ARAP3: variants seen among roughly 807,000 people sequenced by gnomAD.
ARAP3 encodes the protein ArfGAP with RhoGAP domain, ankyrin repeat and PH domain 3.
In ARAP3, 82 loss-of-function variants were observed where a neutral mutation model predicts 169.2. The ratio of observed to expected loss-of-function variants is 0.48; its 90% confidence interval spans 0.41 to 0.58. The LOEUF is 0.58. Among genes scored for constraint, ARAP3 ranks in the 20% least tolerant of loss-of-function variants. The pLI, the probability that ARAP3 is intolerant of heterozygous loss-of-function variation, is 0.00. For missense variants in ARAP3, 1,764 were observed against 2,018.0 expected, an observed-to-expected ratio of 0.87 and a Z score of 2.41; for synonymous variants, 791 against 800.3, an observed-to-expected ratio of 0.99 and a Z score of 0.20.
intron 4 of ARAP3, among the ~76,000 whole-genome samples, chr5:141,678,986 A>G (rs879316045): frequency 1.4e-4 from 22 of 152,238 alleles, no homozygotes; most frequent in Non-Finnish European, 2.5e-4. Context: ...GTTGAATGAA[A>G]AAATGAAAAG....
In ARAP3 at chr5:141,673,691, G is replaced by A. The variant is rs2154599138; in HGVS notation, c.816C>T (p.Leu272=). 1 of 1,614,224 alleles carries A rather than the reference G, an allele frequency of 6.2e-7. No individual in the cohort carries two copies. Among genetic ancestry groups the A allele is most frequent in the East Asian group, 2.2e-5 (1 of 44,876 alleles). ...AGGAGAAGCTGGCATAGGGTGAAAT[G>A]AGGTCATCACTGGTCTCCTCTGTTT... ...TLETEETSDD[L]ISPYASFSFT... is the part of the protein sequence containing the mutation. Residue 272 remains leucine (L), a synonymous_variant, in exon 5 of 33, where the codon CTC becomes CTT. Coordinates refer to ENST00000239440, the MANE Select transcript of ARAP3 (RefSeq NM_022481.6).
At chr5:141,657,186 C>T (rs1244612872) in intron 25 of ARAP3, among the ~76,000 whole-genome samples, 1 of 152,188 alleles carries the variant, frequency 6.6e-6, no homozygotes, top group Admixed American at 6.5e-5. Context: ...GAAGATGAGA[C>T]TCAGAGATCT....
chr5:141,672,889 C>A lies in ARAP3; in HGVS notation c.1130G>T (p.Cys377Phe). 6.2e-7 allele frequency: 1 copy of A among 1,608,292 alleles called. No homozygotes were observed. Residue 377 changes from cysteine to phenylalanine, a missense_variant, in exon 8 of 33, where the codon TGT becomes TTT. Coordinates refer to ENST00000239440, the MANE Select transcript of ARAP3 (RefSeq NM_022481.6). The surrounding 1 kb of genome is among the most constrained non-coding windows in gnomAD (Gnocchi z 4.9). ...RDMWCSTLQS[C>F]LKEQRLLGHP... The stretch of plus-strand genomic sequence containing the variant: ...GCCCAGGAGGCGCTGCTCCTTCAGA[C>A]AGGACTGCAGCGTGGAGCACCACAT...
chr5:141,672,913 A>T lies in ARAP3; in HGVS notation c.1106T>A (p.Met369Lys), dbSNP rs774581128. ...ACAGGACTGCAGCGTGGAGCACCAC[A>T]TGTCCCGCTGAGCTGGTGGGGATGG... The part of the protein sequence containing the change: ...FRTESEAQRD[M>K]WCSTLQSCLK... The change falls in exon 8 of 33, where the codon ATG becomes AAG. Residue 369 changes from methionine (M) to lysine (K), a missense_variant. This residue lies in a region of ARAP3 where 630 missense variants were observed against 678.7 expected (regional missense o/e 0.93). Coordinates refer to ENST00000239440, the MANE Select transcript of ARAP3 (RefSeq NM_022481.6). This position sits in a 1 kb window ranked among gnomAD's most constrained non-coding sequence, Gnocchi z 4.9. The T allele has an allele frequency of 8.1e-6, 13 of 1,611,002 alleles. No individual in the cohort carries two copies. In the South Asian group the frequency reaches 1.4e-4, roughly 18 times the overall value.
In ARAP3 at chr5:141,671,535, C is replaced by G; in HGVS notation, c.1854+35G>C. ...ACTCCAGAGAGTGTTTCCTGACCCC[C>G]CCACCCCAGATCACCCCTGCTCTGT... is the stretch of plus-strand genomic sequence containing the variant. On this transcript the variant is annotated intron_variant, in intron 12 of 32. Transcript: ENST00000239440. This position sits in a 1 kb window ranked among gnomAD's most constrained non-coding sequence, Gnocchi z 4.9. 1 of 1,612,288 alleles carries G rather than the reference C, an allele frequency of 6.2e-7. No individual in the cohort carries two copies. The highest frequency in any genetic ancestry group is 8.5e-7 in the Non-Finnish European group (1 of 1,179,452).
Position 141,664,938 on chromosome 5 carries a change from A to G in ARAP3, c.2784T>C (p.Ser928=), listed in dbSNP as rs759313646. 1.9e-6 allele frequency: 3 copies of G among 1,568,458 alleles called. No individual in the cohort carries two copies. Among genetic ancestry groups the G allele is most frequent in the Non-Finnish European group, 2.6e-6 (3 of 1,153,298 alleles). ...CCTACTCACCATGCTGGGTAACAAA[A>G]CTGATGCAGGCATCCACGATGATGG... is the stretch of plus-strand genomic sequence containing the variant. The part of the protein sequence containing the change: ...DIPIIVDACI[S]FVTQHGLRLE... The change falls in exon 19 of 33, where the codon AGT becomes AGC. Residue 928 remains serine (S), a synonymous_variant. Transcript: ENST00000239440.
At chr5:141,661,357 G>A (rs116797409) in intron 21 of ARAP3, among the ~76,000 whole-genome samples, 1,637 of 152,166 alleles carry the variant, frequency 0.011, 31 homozygotes, top group African/African-American at 0.038. Context: ...GACACCACGC[G>A]CCCAGCCTTC....
chr5:141,665,353 G>A lies in ARAP3; in HGVS notation c.2594C>T (p.Thr865Ile). ...GACCAAATGCTCTTTCTTATCTGGG[G>A]TGTCAGCTGCAGAAACCACACCTGG... ...QEISVVSAAD[T>I]PDKKEHLVLV... The change falls in exon 18 of 33, where the codon ACC becomes ATC. Residue 865 changes from threonine to isoleucine, a missense_variant. Thr to Ile is a moderately conservative substitution (Grantham distance 89). Coordinates refer to ENST00000239440, the MANE Select transcript of ARAP3 (RefSeq NM_022481.6). 6.2e-7 allele frequency: 1 copy of A among 1,614,208 alleles called. No homozygotes were observed. Among genetic ancestry groups the A allele is most frequent in the South Asian group, 1.1e-5 (1 of 91,082 alleles).
At chr5:141,660,067 G>A in intron 21 of ARAP3, 141 bp from the exon 22 acceptor site, 2 of 1,158,532 alleles carry the variant, frequency 1.7e-6, no homozygotes, top group Non-Finnish European at 2.3e-6. Context: ...CAGTCTAGGG[G>A]AGACAGATAA....
chr5:141,654,013 T>C lies in ARAP3; in HGVS notation c.4572A>G (p.Thr1524=). The C allele has an allele frequency of 1.3e-6, 2 of 1,565,736 alleles. No individual in the cohort carries two copies. Among genetic ancestry groups the C allele is most frequent in the East Asian group, 2.2e-5 (1 of 44,568 alleles). ...SPSPTGLPTQ[T]PGFPTQPPCT... Reference sequence around the variant, plus strand: ...ATGGGGGTTGGGTGGGGAAGCCAGGTGTCTGTGTTGGAAGGCCAGTGGGGC... The same window carrying C: ...ATGGGGGTTGGGTGGGGAAGCCAGGCGTCTGTGTTGGAAGGCCAGTGGGGC... The change falls in exon 33 of 33, where the codon ACA becomes ACG. Residue 1524 remains threonine, a synonymous_variant. Coordinates refer to ENST00000239440, the MANE Select transcript of ARAP3 (RefSeq NM_022481.6).
In ARAP3 at chr5:141,654,052, G is replaced by T. The variant is rs1405273702; in HGVS notation, c.4533C>A (p.Ser1511Arg). The part of the protein sequence containing the change: ...AGLGSPSQPS[S>R]PQSPSPTGLP... Reference sequence around the variant, plus strand: ...GGCCAGTGGGGCTGGGGGATTGGGGGCTGGATGGCTGGGAAGGACTTCCCA... The same window carrying T: ...GGCCAGTGGGGCTGGGGGATTGGGGTCTGGATGGCTGGGAAGGACTTCCCA... Residue 1511 changes from serine (S) to arginine (R), a missense_variant, in exon 33 of 33, where the codon AGC (serine) becomes AGA (arginine). Ser to Arg is a moderately radical substitution (Grantham distance 110). Coordinates refer to ENST00000239440, the MANE Select transcript of ARAP3 (RefSeq NM_022481.6). 6.2e-7 allele frequency: 1 copy of T among 1,602,022 alleles called. No homozygotes were observed. Among genetic ancestry groups the T allele is most frequent in the South Asian group, 1.1e-5 (1 of 89,250 alleles).
In ARAP3 at chr5:141,670,592, C is replaced by T. The variant is rs374649374; in HGVS notation, c.2027G>A (p.Arg676His). 70 of 1,613,980 alleles carry T rather than the reference C, an allele frequency of 4.3e-5. No individual in the cohort carries two copies. The highest frequency in any genetic ancestry group is 1.2e-4 in the African/African-American group (9 of 74,904). ...GTACAGGAAGCCGCTGTAAGTAGCA[C>T]GCACCACCACCTCATTGTACACACC... is the stretch of plus-strand genomic sequence containing the variant. ...SPGVYNEVVV[R>H]ATYSGFLYCS... Residue 676 changes from arginine to histidine, a missense_variant, in exon 14 of 33, where the codon CGT (arginine) becomes CAT (histidine). By Grantham distance (29) the Arg-to-His change is conservative (BLOSUM62 0). Transcript: ENST00000239440.
Position 141,671,261 on chromosome 5 carries a change from T to C in ARAP3, c.1990+4A>G, listed in dbSNP as rs775890420. On this transcript the variant is annotated splice_donor_region_variant and intron_variant, in intron 13 of 32. Transcript: ENST00000239440. This position sits in a 1 kb window ranked among gnomAD's most constrained non-coding sequence, Gnocchi z 4.9. ...GGGAGAGAGGAGGCACTTGGGGGAATGACCTGAGGGCAAGAGGCCAGGGCA... is the reference window on the plus strand; with the variant it reads ...GGGAGAGAGGAGGCACTTGGGGGAACGACCTGAGGGCAAGAGGCCAGGGCA... 1 of 1,593,536 alleles carries C rather than the reference T, an allele frequency of 6.3e-7. No homozygotes were observed. Among genetic ancestry groups the C allele is most frequent in the East Asian group, 2.2e-5 (1 of 44,650 alleles).
Position 141,654,200 on chromosome 5 carries a change from G to A in ARAP3, c.4385C>T (p.Pro1462Leu). 1 of 1,614,106 alleles carries A rather than the reference G, an allele frequency of 6.2e-7. No homozygotes were observed. Among genetic ancestry groups the A allele is most frequent in the Non-Finnish European group, 8.5e-7 (1 of 1,179,992 alleles). ...KSSTLGQEER[P>L]PEPPPGPPSK... The stretch of plus-strand genomic sequence containing the variant: ...AGGGGGGCCTGGAGGGGGCTCAGGT[G>A]GCCTCTCCTCCTGGCCAAGGGTGCT... The change falls in exon 33 of 33, where the codon CCA becomes CTA. Residue 1462 changes from proline (P) to leucine (L), a missense_variant. Around this residue, in one of 3 missense-constraint regions of ARAP3, gnomAD observed 1,112 missense variants for 1,285.7 expected, o/e 0.86. Coordinates refer to ENST00000239440, the MANE Select transcript of ARAP3 (RefSeq NM_022481.6).
Position 141,666,051 on chromosome 5 carries a change from A to AT in ARAP3, c.2572+372_2572+373insA, listed in dbSNP as rs1414450357. Among the ~76,000 whole-genome samples the AT allele has an allele frequency of 6.7e-3, 985 of 146,356 alleles. 19 individuals are homozygous for AT. Among genetic ancestry groups the AT allele is most frequent in the Non-Finnish European group, 9.6e-3 (636 of 66,552 alleles). ...GTGACTCTGTCTCCAAAAAAAAAAAAAAATAATAATAATAATAATAATAAC... is the reference window on the plus strand; with the variant it reads ...GTGACTCTGTCTCCAAAAAAAAAAAATAAATAATAATAATAATAATAATAAC... On this transcript the variant is annotated intron_variant, in intron 17 of 32. Coordinates refer to ENST00000239440, the MANE Select transcript of ARAP3 (RefSeq NM_022481.6).
chr5:141,670,820 G>A (rs2099911326), intron 13 of ARAP3, among the ~76,000 whole-genome samples, 192 bp from the exon 14 acceptor site: 1 of 152,178 alleles, frequency 6.6e-6, no homozygotes, highest in South Asian at 2.1e-4. Flanking sequence ...TAATGAGACA[G>A]GGAGGCCTCT....
intron 6 of ARAP3, 63 bp downstream of exon 6, chr5:141,673,338 C>A: frequency 1.9e-6 from 3 of 1,603,534 alleles, no homozygotes; most frequent in Non-Finnish European, 2.6e-6. Context: ...CCTTCCAATT[C>A]TGAGCCCCTC....
chr5:141,654,188 G>C lies in ARAP3; in HGVS notation c.4397C>G (p.Pro1466Arg). 6.2e-7 allele frequency: 1 copy of C among 1,614,044 alleles called. No individual in the cohort carries two copies. Residue 1466 changes from proline (P) to arginine (R), a missense_variant, in exon 33 of 33, where the codon CCT becomes CGT. Pro to Arg is a moderately radical substitution (Grantham distance 103). This residue lies in a region of ARAP3 where 1,112 missense variants were observed against 1,285.7 expected (regional missense o/e 0.86). Coordinates refer to ENST00000239440, the MANE Select transcript of ARAP3 (RefSeq NM_022481.6). ...LGQEERPPEP[P>R]PGPPSKSSPQ... ...ACTGCTCTTTGAAGGGGGGCCTGGA[G>C]GGGGCTCAGGTGGCCTCTCCTCCTG...
Position 141,679,604 on chromosome 5 carries a change from A to G in ARAP3, c.639T>C (p.Thr213=). ...CLYYGVQPVG[T]PGAPDRRESR... Reference sequence around the variant, plus strand: ...TCTCTCTTCTGTCGGGGGCTCCTGGAGTCCCCACAGGTTGGACACCATAGT... The same window carrying G: ...TCTCTCTTCTGTCGGGGGCTCCTGGGGTCCCCACAGGTTGGACACCATAGT... The change falls in exon 4 of 33, where the codon ACT becomes ACC. Residue 213 remains threonine (T), a synonymous_variant. Coordinates refer to ENST00000239440, the MANE Select transcript of ARAP3 (RefSeq NM_022481.6). The G allele has an allele frequency of 6.2e-7, 1 of 1,614,142 alleles. No individual in the cohort carries two copies. The highest frequency in any genetic ancestry group is 8.5e-7 in the Non-Finnish European group (1 of 1,180,028).
Sources: gnomAD v4.1 joint callset for allele counts (sites outside exome capture counted in the v4.1 genomes callset) on GRCh38, gnomAD v4.1.1 for gene constraint, gnomAD v4.1.1 regional missense constraint, Gnocchi (gnomAD v3.1) non-coding constraint, MANE v1.5 for transcripts, NCBI Gene and HGNC (gene_info 2026-07-23, HGNC 2026-07-21) for gene names.